Variants in LIMCH1 observed in about 807,000 individuals in gnomAD.
LIMCH1 encodes LIM and calponin homology domains 1, also known as LIM and calponin homology domains-containing protein 1.
Under a neutral mutation model 176.5 loss-of-function variants are expected in LIMCH1, and 113 were observed. The ratio of observed to expected loss-of-function variants is 0.64; its 90% CI spans 0.55 to 0.75. The LOEUF (loss-of-function observed/expected upper bound fraction) is 0.75. Among genes scored for constraint, LIMCH1 ranks in the 30% least tolerant of loss-of-function variants. The pLI, the probability that LIMCH1 is intolerant of heterozygous loss-of-function variation, is 0.00. For missense variants in LIMCH1, 1,674 were observed against 1,814.9 expected (o/e 0.92, Z 1.41); for synonymous variants, 619 against 645.9 (o/e 0.96, Z 0.63).
intron 13 of LIMCH1, among the ~76,000 whole-genome samples, chr4:41,638,102 TTTG>T (rs146967384): frequency 0.063 from 5,502 of 87,038 alleles, 204 homozygotes; most frequent in African/African-American, 0.15. Context: ...GCTGTGTTGT[TTTG>T]TTGTTGTTGT....
Position 41,629,592 on chromosome 4 carries a change from C to T in LIMCH1, c.1129C>T (p.Leu377Phe), listed in dbSNP as rs574457662. The change falls in exon 9 of 32, where the codon CTT (leucine) becomes TTT (phenylalanine). Residue 377 changes from leucine to phenylalanine, a missense_variant. By Grantham distance (22) the Leu-to-Phe change is conservative. Transcript: ENST00000503057. Reference protein sequence around the residue: ...VEGGLRKVPDLHKDDLAQQRI... With the variant: ...VEGGLRKVPDFHKDDLAQQRI... ...AGGAGGACTCAGGAAGGTGCCAGAT[C>T]TTCACAAGGATGACCTGGCCCAGCA... 3.5e-5 allele frequency: 54 copies of T among 1,536,102 alleles called. 1 individual carries two copies. In the East Asian group the frequency reaches 1.2e-3, roughly 33 times the overall value.
chr4:41,687,932 C>T lies in LIMCH1; in HGVS notation c.4166+15C>T. ...TCACCAAACAGGTACAAGAGGTCAG[C>T]AGGCCTTTCTGAGGCTGCTTTGTTA... On this transcript the variant is annotated intron_variant, in intron 29 of 31. Transcript: ENST00000503057. The T allele has an allele frequency of 6.2e-7, 1 of 1,607,354 alleles. No individual in the cohort carries two copies. The highest frequency in any genetic ancestry group is 1.1e-5 in the South Asian group (1 of 90,864).
intron 1 of LIMCH1, among the ~76,000 whole-genome samples, chr4:41,403,304 G>A (rs1301008909): frequency 6.6e-6 from 1 of 152,054 alleles, no homozygotes; most frequent in East Asian, 1.9e-4. Flanking sequence ...CATCACGCCG[G>A]GCACGGTGGT....
intron 18 of LIMCH1, among the ~76,000 whole-genome samples, chr4:41,656,212 G>A (rs981376782): frequency 6.6e-6 from 1 of 152,104 alleles, no homozygotes; most frequent in African/African-American, 2.4e-5. Flanking sequence ...ACAGACAATC[G>A]GATCTTTCTT....
At chr4:41,614,823 C>G (rs1379598292) in intron 5 of LIMCH1, among the ~76,000 whole-genome samples, 3 of 152,176 alleles carry the variant, frequency 2.0e-5, no homozygotes, top group African/African-American at 7.2e-5. Flanking sequence ...AAAAAAATCA[C>G]TGTCAGAAAG....
chr4:41,568,703 C>T (rs766598480), intron 1 of LIMCH1, among the ~76,000 whole-genome samples: 37 of 152,034 alleles, frequency 2.4e-4, no homozygotes, highest in Non-Finnish European at 3.8e-4. Context: ...TAAAATAAGG[C>T]GAGGCTATAG....
rs1472166503 is a variant in LIMCH1 at position 41,680,113 on chromosome 4, A to G, written c.3612+15A>G. 6.4e-7 allele frequency: 1 copy of G among 1,556,504 alleles called. No individual in the cohort carries two copies. Among genetic ancestry groups the G allele is most frequent in the Non-Finnish European group, 8.8e-7 (1 of 1,137,830 alleles). On this transcript the variant is annotated intron_variant, in intron 24 of 31. Transcript: ENST00000503057. ...ACTATGAGGAGGTAGGAAATTCCCA[A>G]GAAGGAATTTGACCTTGTCATCCCA...
intron 1 of LIMCH1, among the ~76,000 whole-genome samples, chr4:41,460,478 A>ATATATATATATATATATC (rs1410622782): frequency 1.4e-5 from 2 of 145,080 alleles, no homozygotes; most frequent in African/African-American, 5.2e-5. Flanking sequence ...ATATATATAT[A>ATATATATATATATATATC]TCTTATAATA....
intron 9 of LIMCH1, 74 bp downstream of exon 9, chr4:41,629,808 T>A: frequency 3.5e-6 from 5 of 1,427,568 alleles, no homozygotes; most frequent in South Asian, 1.5e-5. Flanking sequence ...AATGCTTATC[T>A]TTGTGTCTTT....
At chr4:41,454,101 T>G (rs2064228251) in intron 1 of LIMCH1, among the ~76,000 whole-genome samples, 1 of 152,144 alleles carries the variant, frequency 6.6e-6, no homozygotes, top group African/African-American at 2.4e-5. Flanking sequence ...TGTTATTCTC[T>G]TTCAATGCCC....
chr4:41,478,618 C>A lies in LIMCH1; in HGVS notation c.97-15918C>A, dbSNP rs2068093619. Among the ~76,000 whole-genome samples, 3 of 152,174 alleles carry A rather than the reference C, an allele frequency of 2.0e-5. No individual in the cohort carries two copies. The South Asian group carries it at 6.2e-4, about 31-fold the overall frequency. On this transcript the variant is annotated intron_variant, in intron 1 of 26. Coordinates refer to the LIMCH1 transcript ENST00000313860. ...TTATTAGAATATCAAATAGTGAAAT[C>A]GATCACTTCATCAGACAGCTCTACA...
chr4:41,614,559 A>G (rs2152803304), intron 5 of LIMCH1, among the ~76,000 whole-genome samples: 1 of 152,284 alleles, frequency 6.6e-6, no homozygotes, highest in South Asian at 2.1e-4. Flanking sequence ...CTGAGATCCG[A>G]ATTATCTTTT....
chr4:41,633,513 T>A (rs1004644003), intron 12 of LIMCH1, 35 bp from the exon 13 acceptor site: 5 of 1,529,812 alleles, frequency 3.3e-6, no homozygotes, highest in Non-Finnish European at 4.4e-6. Flanking sequence ...TAGCAGTAAG[T>A]GGCCTTTGAC....
chr4:41,448,272 G>A (rs1407376274), intron 1 of LIMCH1, among the ~76,000 whole-genome samples: 1 of 152,142 alleles, frequency 6.6e-6, no homozygotes, highest in Non-Finnish European at 1.5e-5. Context: ...TTCGCTTTAG[G>A]TTGGTGGGAC....
chr4:41,669,732 C>T (rs914676968), intron 21 of LIMCH1, among the ~76,000 whole-genome samples: 2 of 152,144 alleles, frequency 1.3e-5, no homozygotes, highest in Non-Finnish European at 2.9e-5. Context: ...TAAATGTAAC[C>T]TTAAAATACA....
At chr4:41,429,943 A>C (rs1006404771) in intron 1 of LIMCH1, among the ~76,000 whole-genome samples, 8 of 152,192 alleles carry the variant, frequency 5.3e-5, no homozygotes, top group Non-Finnish European at 7.3e-5. Flanking sequence ...ACTTCTGCTC[A>C]TATTCATTGG....
chr4:41,467,006 T>C (rs1211303286), intron 1 of LIMCH1, among the ~76,000 whole-genome samples: 1 of 152,178 alleles, frequency 6.6e-6, no homozygotes, highest in South Asian at 2.1e-4. Flanking sequence ...GTACCTCGCA[T>C]AGGTGGAATC....
At chr4:41,380,926 C>T (rs2055566982) in intron 1 of LIMCH1, among the ~76,000 whole-genome samples, 1 of 152,120 alleles carries the variant, frequency 6.6e-6, no homozygotes, top group Non-Finnish European at 1.5e-5. Flanking sequence ...CAGATTTGAC[C>T]ACAGCTTCTT....
At chr4:41,656,440 T>A (rs2094465706) in intron 18 of LIMCH1, among the ~76,000 whole-genome samples, 1 of 152,192 alleles carries the variant, frequency 6.6e-6, no homozygotes, top group African/African-American at 2.4e-5. Context: ...AAAGATGCAT[T>A]TACAGATTTC....
Sources: gnomAD v4.1 joint callset for allele counts (sites outside exome capture counted in the v4.1 genomes callset) on GRCh38, gnomAD v4.1.1 for gene constraint, MANE v1.5 for transcripts, NCBI Gene and HGNC (gene_info 2026-07-23, HGNC 2026-07-21) for gene names.